KLHL1: variants seen among roughly 807,000 people sequenced by gnomAD.
KLHL1 encodes the protein kelch like family member 1.
Under a neutral mutation model 77.7 loss-of-function variants are expected in KLHL1, and 47 were observed. The observed-to-expected ratio is 0.60, with a 90% CI of 0.48 to 0.77. The LOEUF is 0.77. KLHL1 is among the 30% of genes least tolerant of loss of function. The pLI is 0.00. For synonymous variants in KLHL1, 360 were observed against 325.2 expected (o/e 1.11, Z -1.15); for missense variants, 925 against 910.8 (o/e 1.02, Z -0.20).
chr13:69,959,641 A>G (rs1224167874), intron 3 of KLHL1, among the ~76,000 whole-genome samples: 1 of 138,042 alleles, frequency 7.2e-6, no homozygotes, highest in East Asian at 2.0e-4. Context: ...CTAGTTTGCT[A>G]GTTTTACAAC....
chr13:69,839,763 T>C (rs1041959893), intron 5 of KLHL1, among the ~76,000 whole-genome samples: 2 of 152,014 alleles, frequency 1.3e-5, no homozygotes, highest in African/African-American at 4.8e-5. Context: ...AATAGACCAA[T>C]AGAGTGAGAC....
chr13:70,011,356 A>G (rs1885529584), intron 1 of KLHL1, among the ~76,000 whole-genome samples: 1 of 152,172 alleles, frequency 6.6e-6, no homozygotes, highest in African/African-American at 2.4e-5. Context: ...AAATATGATT[A>G]ATATAGAAAG....
intron 1 of KLHL1, among the ~76,000 whole-genome samples, chr13:70,007,190 T>C (rs1193810272): frequency 6.6e-6 from 1 of 152,004 alleles, no homozygotes; most frequent in Non-Finnish European, 1.5e-5. Context: ...AAAAAGTTTA[T>C]TTGGAATGTG....
intron 1 of KLHL1, among the ~76,000 whole-genome samples, chr13:70,044,616 C>T (rs1467086798): frequency 6.6e-6 from 1 of 151,916 alleles, no homozygotes; most frequent in Non-Finnish European, 1.5e-5. Context: ...GAAGAACATC[C>T]ACATTCTCCA....
At chr13:69,736,712 T>C (rs1038446505) in intron 8 of KLHL1, among the ~76,000 whole-genome samples, 1 of 149,272 alleles carries the variant, frequency 6.7e-6, no homozygotes, top group African/African-American at 2.4e-5. Context: ...ACACACACCA[T>C]GGAATACTAC....
At position 69,832,842 on chromosome 13, in the gene KLHL1, AACATAGAGTGGG is replaced by A. The variant is rs201826905; in HGVS notation, c.1414+6122_1414+6133del. Among the ~76,000 whole-genome samples the A allele has an allele frequency of 5.8e-3, 887 of 152,264 alleles. 6 individuals are homozygous for A. Among genetic ancestry groups the A allele is most frequent in the African/African-American group, 0.019 (802 of 41,562 alleles). On this transcript the variant is annotated intron_variant, in intron 6 of 10. Transcript: ENST00000377844. ...ACTGATCTTTGACAAAGGAAACAAA[AACATAGAGTGGG>A]GAAAGGACAACCTATTCAACAAATT...
chr13:69,857,083 GT>G (rs1248919717), intron 5 of KLHL1, among the ~76,000 whole-genome samples: 3 of 151,912 alleles, frequency 2.0e-5, no homozygotes, highest in Admixed American at 1.3e-4. Context: ...AAAACTCTCC[GT>G]TTTTTGTCTC....
intron 1 of KLHL1, among the ~76,000 whole-genome samples, chr13:70,038,653 C>T (rs1404791963): frequency 3.2e-5 from 4 of 123,380 alleles, no homozygotes; most frequent in Non-Finnish European, 4.7e-5. Flanking sequence ...TGCAATGATG[C>T]GATCTCAGCT....
chr13:69,821,584 G>A (rs1480364339), intron 6 of KLHL1, among the ~76,000 whole-genome samples: 1 of 152,070 alleles, frequency 6.6e-6, no homozygotes, highest in Non-Finnish European at 1.5e-5. Flanking sequence ...CAAAGTGCTG[G>A]GATTACAGGG....
At chr13:70,023,561 C>T (rs1885855976) in intron 1 of KLHL1, among the ~76,000 whole-genome samples, 1 of 151,904 alleles carries the variant, frequency 6.6e-6, no homozygotes, top group Non-Finnish European at 1.5e-5. Flanking sequence ...AATCTAGGAA[C>T]CAGCAAGTTC....
At chr13:69,968,725 T>C (rs1015864130) in intron 2 of KLHL1, among the ~76,000 whole-genome samples, 7 of 152,138 alleles carry the variant, frequency 4.6e-5, no homozygotes, top group Non-Finnish European at 7.3e-5. Context: ...GAATACCTTT[T>C]GTTGCAGAGA....
In KLHL1 at chr13:69,854,468, T is replaced by C. The variant is rs143587917; in HGVS notation, c.1228-15306A>G. 3.7e-3 allele frequency among the ~76,000 whole-genome samples: 563 copies of C among 152,074 alleles called. 2 individuals are homozygous for C. The highest frequency in any genetic ancestry group is 0.013 in the African/African-American group (543 of 41,534). On this transcript the variant is annotated intron_variant, in intron 5 of 10. Transcript: ENST00000377844. The stretch of plus-strand genomic sequence containing the variant: ...GCTACTCATGAGGGATCCTCTACCA[T>C]GACCCAAACACATCCCACATTGGTT...
chr13:70,014,743 G>A (rs1475017475), intron 1 of KLHL1, among the ~76,000 whole-genome samples: 2 of 152,036 alleles, frequency 1.3e-5, no homozygotes, highest in African/African-American at 4.8e-5. Context: ...TAATGTTAGT[G>A]GCTTATAAAT....
chr13:69,950,810 T>G (rs1883685218), intron 3 of KLHL1, among the ~76,000 whole-genome samples: 1 of 151,626 alleles, frequency 6.6e-6, no homozygotes, highest in East Asian at 1.9e-4. Flanking sequence ...AATATTCTGT[T>G]GCTTAATGCA....
Position 70,091,428 on chromosome 13 carries a change from T to A in KLHL1, c.497+15775A>T, listed in dbSNP as rs147275310. ...TAGCTTTAATTCTACATAACTCATG[T>A]GTTGTTCTCTCAGCAAATAGTCATC... On this transcript the variant is annotated intron_variant, in intron 1 of 10. Coordinates refer to ENST00000377844, the MANE Select transcript of KLHL1 (RefSeq NM_020866.3). Among the ~76,000 whole-genome samples, 438 of 152,228 alleles carry A rather than the reference T, an allele frequency of 2.9e-3. 3 individuals are homozygous for A. The highest frequency in any genetic ancestry group is 9.7e-3 in the African/African-American group (405 of 41,550).
chr13:69,915,518 G>A (rs1056048737), intron 4 of KLHL1, among the ~76,000 whole-genome samples: 6 of 152,124 alleles, frequency 3.9e-5, no homozygotes, highest in South Asian at 2.1e-4. Context: ...AATAAATGGC[G>A]CTGGGAAAAC....
intron 1 of KLHL1, among the ~76,000 whole-genome samples, chr13:69,994,063 T>C (rs1885090323): frequency 6.6e-6 from 1 of 152,156 alleles, no homozygotes; most frequent in East Asian, 1.9e-4. Context: ...GGACTAATGA[T>C]AAGCTTAGGG....
At chr13:69,969,868 T>C (rs1884326711) in intron 2 of KLHL1, among the ~76,000 whole-genome samples, 1 of 152,182 alleles carries the variant, frequency 6.6e-6, no homozygotes, top group African/African-American at 2.4e-5. Flanking sequence ...AAGAAGTATA[T>C]GCATGCAACC....
chr13:69,932,046 A>G (rs1186975780), intron 4 of KLHL1, among the ~76,000 whole-genome samples: 1 of 151,564 alleles, frequency 6.6e-6, no homozygotes, highest in Non-Finnish European at 1.5e-5. Flanking sequence ...CTAATTGTAT[A>G]TTTCAAATTA....
Sources: gnomAD v4.1 joint callset for allele counts (sites outside exome capture counted in the v4.1 genomes callset) on GRCh38, gnomAD v4.1.1 for gene constraint, MANE v1.5 for transcripts, NCBI Gene and HGNC (gene_info 2026-07-23, HGNC 2026-07-21) for gene names.